ZNF398: variants seen among roughly 807,000 people sequenced by gnomAD.
ZNF398 encodes the protein zinc finger DNA binding protein ZER6.
In ZNF398, 18 loss-of-function variants were observed where a neutral mutation model predicts 41.9. That is an observed-to-expected ratio of 0.43 (90% confidence interval 0.30 to 0.64). The LOEUF is 0.64. Ranked by LOEUF, ZNF398 falls within the 30% of genes least tolerant of loss-of-function variation. The probability of loss-of-function intolerance (pLI) is 0.14; values close to 1 mark genes in which losing one functional copy is unlikely to be tolerated. For synonymous variants in ZNF398, 260 were observed against 308.8 expected (o/e 0.84, Z 1.66); for missense variants, 669 against 822.8 (o/e 0.81, Z 2.29).
chr7:149,178,742 G>C lies in ZNF398; in HGVS notation c.870G>C (p.Lys290Asn). The C allele has an allele frequency of 1.2e-6, 2 of 1,614,166 alleles. No individual in the cohort carries two copies. The highest frequency in any genetic ancestry group is 1.7e-6 in the Non-Finnish European group (2 of 1,180,034). Residue 290 changes from lysine to asparagine, a missense_variant, in exon 6 of 6, where the codon AAG becomes AAC. Coordinates refer to ENST00000475153, the MANE Select transcript of ZNF398 (RefSeq NM_170686.3). ...TCTCTTCTCCACCAGCAGCAGCAAA[G>C]GATGCTTTTTCAGATGTGGCTTTCA... ...VPFSSPPAAA[K>N]DAFSDVAFKS...
chr7:149,133,688 T>TATATATACAC (rs1826649246), intron 2 of ZNF398, among the ~76,000 whole-genome samples: 5 of 34,680 alleles, frequency 1.4e-4, no homozygotes, highest in Non-Finnish European at 3.0e-4. Context: ...TACATATATA[T>TATATATACAC]GTGTGTATAT....
At chr7:149,149,521 G>C (rs1827057774) in intron 1 of ZNF398, among the ~76,000 whole-genome samples, 1 of 151,984 alleles carries the variant, frequency 6.6e-6, no homozygotes, top group East Asian at 1.9e-4. Flanking sequence ...GAGCCACCGC[G>C]CCCGGCCTCA....
In ZNF398 at chr7:149,179,055, G is replaced by A. The variant is rs750009490; in HGVS notation, c.1183G>A (p.Glu395Lys). ...LSSTSQDHAS[E>K]TPPTCPHCAR... is the part of the protein sequence containing the mutation. ...CAGCACCTCCCAGGACCATGCCAGC[G>A]AGACACCCCCCACCTGCCCACACTG... The change falls in exon 6 of 6, where the codon GAG becomes AAG. Residue 395 changes from glutamate to lysine, a missense_variant. By Grantham distance (56) the Glu-to-Lys change is moderately conservative. This residue lies in a region of ZNF398 where 290 missense variants were observed against 292.9 expected (regional missense o/e 0.99). Transcript: ENST00000475153. This position sits in a 1 kb window ranked among gnomAD's most constrained non-coding sequence, Gnocchi z 6.1. 3.9e-5 allele frequency: 63 copies of A among 1,613,810 alleles called. No individual in the cohort carries two copies. The highest frequency in any genetic ancestry group is 4.7e-5 in the Non-Finnish European group (56 of 1,179,976).
chr7:149,178,593 G>A (rs1795519211), intron 5 of ZNF398, 55 bp from the exon 6 acceptor site: 1 of 1,457,156 alleles, frequency 6.9e-7, no homozygotes, highest in South Asian at 1.3e-5. Flanking sequence ...GAATGCATGA[G>A]AGTTGCTAGT....
At chr7:149,150,428 G>C (rs1827082137) in intron 1 of ZNF398, among the ~76,000 whole-genome samples, 1 of 152,062 alleles carries the variant, frequency 6.6e-6, no homozygotes, top group Admixed American at 6.6e-5. Context: ...GTGAAACCCT[G>C]TCTCTACCAA....
chr7:149,141,899 G>A (rs1202944584), intron 2 of ZNF398, among the ~76,000 whole-genome samples: 1 of 152,156 alleles, frequency 6.6e-6, no homozygotes, highest in Non-Finnish European at 1.5e-5. Context: ...CTAATCCACA[G>A]ACTTTAGAGC....
chr7:149,140,675 C>T (rs1000922099), intron 2 of ZNF398, among the ~76,000 whole-genome samples: 1 of 152,064 alleles, frequency 6.6e-6, no homozygotes, highest in Non-Finnish European at 1.5e-5. Flanking sequence ...TGAGCCACCA[C>T]GCCAGGCCCA....
chr7:149,145,589 G>C (rs1189547528), upstream of ZNF398, among the ~76,000 whole-genome samples: 2 of 152,232 alleles, frequency 1.3e-5, no homozygotes, highest in African/African-American at 4.8e-5. Context: ...CGGTGAAACA[G>C]TTGAGTTCAA....
chr7:149,175,220 G>T (rs1328817167), intron 4 of ZNF398, among the ~76,000 whole-genome samples: 1 of 152,052 alleles, frequency 6.6e-6, no homozygotes, highest in East Asian at 1.9e-4. Context: ...CTGTTAATTT[G>T]CTGTGAATTA....
At chr7:149,151,725 G>A (rs180735947) in intron 1 of ZNF398, among the ~76,000 whole-genome samples, 113 of 151,180 alleles carry the variant, frequency 7.5e-4, no homozygotes, top group African/African-American at 2.4e-3. Flanking sequence ...ATCCTGAGGT[G>A]GCTGGTTTGC....
intron 2 of ZNF398, among the ~76,000 whole-genome samples, chr7:149,139,837 C>G (rs949041117): frequency 1.3e-5 from 2 of 151,180 alleles, no homozygotes; most frequent in African/African-American, 4.9e-5. Context: ...AACCCTGTCT[C>G]TACTAAAAAT....
intron 2 of ZNF398, among the ~76,000 whole-genome samples, chr7:149,141,235 AAG>A (rs1472181162): frequency 1.3e-5 from 2 of 151,842 alleles, no homozygotes; most frequent in Admixed American, 6.6e-5. Context: ...TATGAAGAAA[AAG>A]AGAAAGTTTA....
chr7:149,136,339 CT>C (rs1826713135), intron 2 of ZNF398, among the ~76,000 whole-genome samples: 1 of 152,124 alleles, frequency 6.6e-6, no homozygotes, highest in Admixed American at 6.6e-5. Context: ...GCACTCCTCA[CT>C]TTTTAGACAG....
Position 149,176,757 on chromosome 7 carries a change from G to A in ZNF398, c.775+176G>A, listed in dbSNP as rs10225309. On this transcript the variant is annotated intron_variant, in intron 5 of 5. Coordinates refer to ENST00000475153, the MANE Select transcript of ZNF398 (RefSeq NM_170686.3). ...ACAGTCACTAAGATAAATTTGAAGT[G>A]AGTGAGAAAATACACTCTTACATGC... 9.7e-3 allele frequency among the ~76,000 whole-genome samples: 1,477 copies of A among 152,280 alleles called. 28 individuals are homozygous for A. Among genetic ancestry groups the A allele is most frequent in the African/African-American group, 0.033 (1,385 of 41,540 alleles).
intron 2 of ZNF398, among the ~76,000 whole-genome samples, chr7:149,160,981 G>T (rs1345064376): frequency 6.6e-6 from 1 of 152,092 alleles, no homozygotes; most frequent in Non-Finnish European, 1.5e-5. Context: ...GCACCCCAAG[G>T]AGGCCTGTCA....
At chr7:149,153,916 G>A in intron 1 of ZNF398, 29 bp from the exon 2 acceptor site, 2 of 1,585,922 alleles carry the variant, frequency 1.3e-6, no homozygotes, top group Non-Finnish European at 1.7e-6. Context: ...AACACTCAAT[G>A]TCTTGTTCCA....
At chr7:149,133,680 C>T (rs10952798) in intron 2 of ZNF398, among the ~76,000 whole-genome samples, 6,101 of 31,952 alleles carry the variant, frequency 0.19, 368 homozygotes, top group South Asian at 0.36. Context: ...TATATATATA[C>T]ATATATATGT....
intron 5 of ZNF398, 61 bp from the exon 6 acceptor site, chr7:149,178,587 G>T (rs1795519041): frequency 2.9e-6 from 4 of 1,397,988 alleles, no homozygotes; most frequent in Non-Finnish European, 3.9e-6. Context: ...GGGTAGGAAT[G>T]CATGAGAGTT....
At chr7:149,141,801 C>T (rs1443727502) in intron 2 of ZNF398, among the ~76,000 whole-genome samples, 1 of 151,866 alleles carries the variant, frequency 6.6e-6, no homozygotes, top group Non-Finnish European at 1.5e-5. Context: ...GTTGGCCAGG[C>T]TGGTCTTGAA....
Sources: allele counts gnomAD v4.1 joint callset (sites outside exome capture counted in the v4.1 genomes callset), GRCh38; gene constraint gnomAD v4.1.1; regional missense constraint gnomAD v4.1.1; non-coding constraint Gnocchi (gnomAD v3.1); transcripts MANE v1.5; gene names NCBI Gene and HGNC (gene_info 2026-07-23, HGNC 2026-07-21).